RAB27B: variants seen among roughly 807,000 people sequenced by gnomAD.
RAB27B encodes the protein RAB27B, member RAS oncogene family.
In RAB27B, 15 loss-of-function variants were observed where a neutral mutation model predicts 24.6. The ratio of observed to expected loss-of-function variants is 0.61; its 90% CI spans 0.41 to 0.94. The LOEUF is 0.94. RAB27B is among the 40% of genes least tolerant of loss of function. The pLI is 0.00. For missense variants in RAB27B, 261 were observed against 266.8 expected (o/e 0.98, Z 0.15); for synonymous variants, 105 against 92.5 (o/e 1.14, Z -0.78).
intron 5 of RAB27B, among the ~76,000 whole-genome samples, chr18:54,888,634 C>G (rs1408207780): frequency 6.6e-6 from 1 of 151,464 alleles, no homozygotes; most frequent in African/African-American, 2.4e-5. Flanking sequence ...AAAACAGAAA[C>G]AACACCCCAT....
intron 2 of RAB27B, among the ~76,000 whole-genome samples, chr18:54,769,364 A>G (rs2013709): frequency 0.45 from 68,517 of 152,024 alleles, 17,256 homozygotes; most frequent in Middle Eastern, 0.58. Flanking sequence ...TGATGATTAC[A>G]TAAGAACATC....
At chr18:54,878,524 G>GT (rs1446284867) in intron 2 of RAB27B, among the ~76,000 whole-genome samples, 2 of 152,074 alleles carry the variant, frequency 1.3e-5, no homozygotes, top group African/African-American at 4.8e-5. Context: ...TTGAATCACG[G>GT]TTTTTTTATA....
intron 1 of RAB27B, among the ~76,000 whole-genome samples, chr18:54,843,690 A>G (rs1041094209): frequency 6.6e-6 from 1 of 152,256 alleles, no homozygotes; most frequent in African/African-American, 2.4e-5. Context: ...ATGCATTCTA[A>G]CTTTCAAGTC....
chr18:54,852,538 A>G (rs1249577671), intron 1 of RAB27B, among the ~76,000 whole-genome samples: 1 of 152,192 alleles, frequency 6.6e-6, no homozygotes, highest in African/African-American at 2.4e-5. Flanking sequence ...GAGAGAACCA[A>G]TCAAGAGAAA....
At chr18:54,796,571 C>T (rs1470547677) in intron 2 of RAB27B, among the ~76,000 whole-genome samples, 1 of 152,106 alleles carries the variant, frequency 6.6e-6, no homozygotes, top group African/African-American at 2.4e-5. Context: ...GCAGACTCCC[C>T]CCTCTCTCTT....
At chr18:54,877,476 C>T in intron 1 of RAB27B, 91 bp from the exon 2 acceptor site, 3 of 1,061,334 alleles carry the variant, frequency 2.8e-6, no homozygotes, top group Non-Finnish European at 3.7e-6. Context: ...AACTTTTTAA[C>T]CCTGAAAATT....
chr18:54,771,591 AGTGT>A (rs36228307), intron 2 of RAB27B, among the ~76,000 whole-genome samples: 13,085 of 144,770 alleles, frequency 0.09, 664 homozygotes, highest in East Asian at 0.12. Flanking sequence ...CTGATAGTTT[AGTGT>A]GTGTGTGTGT....
chr18:54,871,738 TACTTGGGAG>T (rs1196229577), intron 1 of RAB27B, among the ~76,000 whole-genome samples: 1 of 149,838 alleles, frequency 6.7e-6, no homozygotes, highest in Non-Finnish European at 1.5e-5. Flanking sequence ...TAGTCCCAGC[TACTTGGGAG>T]ACTGAGGCAG....
rs1257233969 is a variant in RAB27B at position 54,877,622 on chromosome 18, C to T, written c.37C>T (p.Leu13=). Reference sequence around the variant, plus strand: ...AGACTATGATTATCTGATCAAACTCCTGGCCCTCGGGGATTCAGGGGTGGG... The same window carrying T: ...AGACTATGATTATCTGATCAAACTCTTGGCCCTCGGGGATTCAGGGGTGGG... ...DGDYDYLIKL[L]ALGDSGVGKT... is the part of the protein sequence containing the mutation. The change falls in exon 2 of 6, where the codon CTG becomes TTG. Residue 13 remains leucine (L), a synonymous_variant. Coordinates refer to ENST00000262094, the MANE Select transcript of RAB27B (RefSeq NM_004163.4). The T allele has an allele frequency of 1.9e-6, 3 of 1,590,536 alleles. No individual in the cohort carries two copies. The highest frequency in any genetic ancestry group is 2.7e-5 in the African/African-American group (2 of 73,294).
intron 2 of RAB27B, chr18:54,745,353 C>A: frequency 5.9e-6 from 1 of 168,476 alleles, no homozygotes; most frequent in South Asian, 1.5e-4. Context: ...TACAGGGATC[C>A]TGAAGAGATT....
At chr18:54,734,781 A>C (rs1353371963) in intron 2 of RAB27B, among the ~76,000 whole-genome samples, 1 of 152,306 alleles carries the variant, frequency 6.6e-6, no homozygotes, top group Non-Finnish European at 1.5e-5. Flanking sequence ...AAACAAACCT[A>C]AGTATTTCTA....
At chr18:54,873,553 A>C (rs1228479444) in intron 1 of RAB27B, among the ~76,000 whole-genome samples, 1 of 152,152 alleles carries the variant, frequency 6.6e-6, no homozygotes, top group Non-Finnish European at 1.5e-5. Flanking sequence ...CAGTTCTAGG[A>C]AAATTTGCCA....
chr18:54,776,373 T>C (rs1395847343), intron 2 of RAB27B, among the ~76,000 whole-genome samples: 1 of 152,210 alleles, frequency 6.6e-6, no homozygotes, highest in East Asian at 1.9e-4. Flanking sequence ...TCATATTGAG[T>C]ATTACTGAGC....
intron 1 of RAB27B, among the ~76,000 whole-genome samples, chr18:54,833,234 C>CTTTTTTTTTTTTTTTTTTTTT (rs559070445): frequency 4.6e-5 from 6 of 129,510 alleles, no homozygotes; most frequent in Non-Finnish European, 9.6e-5. Context: ...TTCTTTCTTT[C>CTTTTTTTTTTTTTTTTTTTTT]TTTTTTTTTT....
intron 1 of RAB27B, among the ~76,000 whole-genome samples, chr18:54,846,649 G>T (rs1420352520): frequency 6.6e-6 from 1 of 152,162 alleles, no homozygotes; most frequent in Non-Finnish European, 1.5e-5. Context: ...CCAGGCAATA[G>T]AGGCCAAAAA....
chr18:54,831,378 G>T (rs1002141104), intron 1 of RAB27B, among the ~76,000 whole-genome samples: 4 of 152,194 alleles, frequency 2.6e-5, no homozygotes, highest in African/African-American at 7.2e-5. Flanking sequence ...AAGAAATGGG[G>T]GAGAGGAGAT....
At chr18:54,793,667 C>T (rs895178419) in intron 2 of RAB27B, among the ~76,000 whole-genome samples, 6 of 152,176 alleles carry the variant, frequency 3.9e-5, no homozygotes, top group Admixed American at 3.3e-4. Context: ...AAGTCTTCCT[C>T]GTGTTGCATG....
At chr18:54,878,245 TC>T (rs753105416) in intron 2 of RAB27B, among the ~76,000 whole-genome samples, 1 of 152,182 alleles carries the variant, frequency 6.6e-6, no homozygotes, top group Non-Finnish European at 1.5e-5. Flanking sequence ...GTGAGACCAA[TC>T]ATGCTGTTTT....
intron 1 of RAB27B, among the ~76,000 whole-genome samples, chr18:54,837,215 G>C (rs1372534361): frequency 6.6e-6 from 1 of 151,970 alleles, no homozygotes; most frequent in Non-Finnish European, 1.5e-5. Flanking sequence ...AATTTAAGGA[G>C]GTTAAAACTG....
Sources: gnomAD v4.1 joint callset for allele counts (sites outside exome capture counted in the v4.1 genomes callset) on GRCh38, gnomAD v4.1.1 for gene constraint, MANE v1.5 for transcripts, NCBI Gene and HGNC (gene_info 2026-07-23, HGNC 2026-07-21) for gene names.